DCN: variants seen among roughly 807,000 people sequenced by gnomAD.
DCN encodes the protein bone proteoglycan II.
DCN carries 17 observed loss-of-function variants against 36.5 expected under a neutral mutation model. That is an observed-to-expected ratio of 0.47 (90% CI 0.32 to 0.70). DCN has a LOEUF of 0.70. Among genes scored for constraint, DCN ranks in the 30% least tolerant of loss-of-function variants. The probability of loss-of-function intolerance (pLI) is 0.04; values close to 1 mark genes in which losing one functional copy is unlikely to be tolerated. For synonymous variants in DCN, 163 were observed against 161.4 expected (o/e 1.01, Z -0.07); for missense variants, 389 against 430.1 (o/e 0.90, Z 0.84).
Position 91,144,461 on chromosome 12 carries a change from G to GAA in DCN, c.*1595_*1596dup, listed in dbSNP as rs1436881421. 1.3e-5 allele frequency: 2 copies of GAA among 152,036 alleles called. No homozygotes were observed. The highest frequency in any genetic ancestry group is 2.9e-5 in the Non-Finnish European group (2 of 67,976). 9.4% of individuals were successfully genotyped at this position (152,036 alleles called of 1,614,324 possible). A position where few individuals can be genotyped will look rare whatever the true frequency, so the allele number is the denominator to read the frequency against. On this transcript the variant is annotated 3_prime_UTR_variant, in exon 8 of 8. Transcript: ENST00000052754. Reference sequence around the variant, plus strand: ...ATCTCTTGGGAGATGAAAAAGAGAAGAAAAAGAGAGGTTTCTTCCCTCTTA... The same window carrying GAA: ...ATCTCTTGGGAGATGAAAAAGAGAAGAAAAAAAGAGAGGTTTCTTCCCTCTTA...
intron 2 of DCN, chr12:91,172,562 T>G: frequency 2.2e-6 from 1 of 445,236 alleles, no homozygotes; most frequent in Non-Finnish European, 4.0e-6. Context: ...AATTCTATTC[T>G]CTTTCCAGTC....
At chr12:91,151,873 T>C (rs1159148256) in intron 6 of DCN, 81 bp from the exon 7 acceptor site, 19 of 1,552,674 alleles carry the variant, frequency 1.2e-5, no homozygotes, top group African/African-American at 5.4e-5. Context: ...ATCAAGTCTA[T>C]AGGAAAGGAC....
chr12:91,176,236 G>C (rs1238300753), intron 2 of DCN: 1 of 151,862 alleles, frequency 6.6e-6, no homozygotes, highest in Non-Finnish European at 1.5e-5. Context: ...TGAGACCACT[G>C]CTCATTGGAA....
intron 6 of DCN, among the ~76,000 whole-genome samples, chr12:91,152,684 T>C (rs1043209316): frequency 6.6e-6 from 1 of 152,176 alleles, no homozygotes; most frequent in Admixed American, 6.5e-5. Flanking sequence ...TAGTAATTTG[T>C]GTGATGCTCA....
Position 91,157,863 on chromosome 12 carries a change from C to T in DCN, c.538+433G>A, listed in dbSNP as rs1053916549. 3.3e-5 allele frequency among the ~76,000 whole-genome samples: 5 copies of T among 152,066 alleles called. No individual in the cohort carries two copies. The East Asian group carries it at 7.7e-4, about 23-fold the overall frequency. On this transcript the variant is annotated intron_variant, in intron 4 of 7. Coordinates refer to ENST00000052754, the MANE Select transcript of DCN (RefSeq NM_001920.5). ...CAGGATGGTCTCGATCTCCTGACCTCGTGATCCGCCTGCTTCGGCCTCCCA... is the reference window on the plus strand; with the variant it reads ...CAGGATGGTCTCGATCTCCTGACCTTGTGATCCGCCTGCTTCGGCCTCCCA...
chr12:91,172,841 G>A (rs890557458), intron 2 of DCN: 19 of 646,102 alleles, frequency 2.9e-5, no homozygotes, highest in Non-Finnish European at 5.0e-5. Context: ...GAGGTTGTAC[G>A]AAGATAAATT....
In DCN at chr12:91,157,095, T is replaced by C. The variant is rs758510607; in HGVS notation, c.632A>G (p.Asn211Ser). The C allele has an allele frequency of 3.1e-6, 5 of 1,603,698 alleles. No individual in the cohort carries two copies. The Admixed American group carries it at 5.0e-5, about 16-fold the overall frequency. ...ATCACCTTGAGGAATGCTGGTGATA[T>C]TGGTATCAGCAATGCGGATGTAGGA... Reference protein sequence around the residue: ...KLSYIRIADTNITSIPQGLPP... With the variant: ...KLSYIRIADTSITSIPQGLPP... The change falls in exon 5 of 8, where the codon AAT becomes AGT. Residue 211 changes from asparagine to serine, a missense_variant. Asn to Ser is a conservative substitution (Grantham distance 46). Coordinates refer to ENST00000052754, the MANE Select transcript of DCN (RefSeq NM_001920.5).
chr12:91,154,611 A>T (rs1881641763), intron 5 of DCN, among the ~76,000 whole-genome samples: 1 of 152,276 alleles, frequency 6.6e-6, no homozygotes, highest in Middle Eastern at 3.4e-3. Context: ...TGAGATAGAC[A>T]AATTTGTAAA....
chr12:91,153,925 A>G (rs924881792), intron 5 of DCN, among the ~76,000 whole-genome samples: 2 of 152,126 alleles, frequency 1.3e-5, no homozygotes, highest in African/African-American at 4.8e-5. Context: ...TAAATATAAA[A>G]GTTTAAATAT....
At chr12:91,169,640 G>A (rs914491119) in intron 2 of DCN, 3 of 152,048 alleles carry the variant, frequency 2.0e-5, no homozygotes, top group African/African-American at 7.2e-5. Context: ...AAGCTCTGTG[G>A]TGGGTACCCA....
chr12:91,161,256 C>T (rs2121226007), intron 3 of DCN, among the ~76,000 whole-genome samples: 2 of 152,098 alleles, frequency 1.3e-5, no homozygotes, highest in Middle Eastern at 3.4e-3. Flanking sequence ...ATTACAAATG[C>T]CAGATTTAAT....
rs1565766784 is a variant in DCN, at chr12:91,142,071, G to C, written c.*3987C>G. The C allele has an allele frequency of 6.6e-6, 1 of 152,174 alleles. No individual in the cohort carries two copies. Among genetic ancestry groups the C allele is most frequent in the Non-Finnish European group, 1.5e-5 (1 of 68,034 alleles). 9.4% of individuals were successfully genotyped at this position (152,174 alleles called of 1,614,324 possible). A position where few individuals can be genotyped will look rare whatever the true frequency, so the allele number is the denominator to read the frequency against. On this transcript the variant is annotated 3_prime_UTR_variant, in exon 8 of 8. Transcript: ENST00000052754. ...CTTTGTGGTGTGAAATTGACAGTCTGTCACAGACCTGTGATTTGAAATAAT... is the reference window on the plus strand; with the variant it reads ...CTTTGTGGTGTGAAATTGACAGTCTCTCACAGACCTGTGATTTGAAATAAT...
intron 2 of DCN, chr12:91,176,819 T>A (rs1445576576): frequency 6.6e-6 from 1 of 152,166 alleles, no homozygotes. Flanking sequence ...CTTCGCCATT[T>A]TAGTAACTTC....
intron 1 of DCN, chr12:91,180,484 C>G (rs1240861973): frequency 2.0e-5 from 3 of 152,064 alleles, no homozygotes; most frequent in African/African-American, 7.2e-5. Flanking sequence ...CCTAGATTCT[C>G]TAGAGAAGAA....
In DCN at chr12:91,153,197, G is replaced by A; in HGVS notation, c.653-8C>T. ...TAAGGGAAGGAGGAAGACCTGGAAT[G>A]TGGAATTAAAGATGTTAAATTAGCA... On this transcript the variant is annotated splice_region_variant and splice_polypyrimidine_tract_variant and intron_variant, in intron 5 of 7. Coordinates refer to ENST00000052754, the MANE Select transcript of DCN (RefSeq NM_001920.5). The A allele has an allele frequency of 6.6e-7, 1 of 1,514,666 alleles. No homozygotes were observed. Among genetic ancestry groups the A allele is most frequent in the South Asian group, 1.1e-5 (1 of 89,092 alleles). 93.8% of individuals were successfully genotyped at this position (1,514,666 alleles called of 1,614,324 possible).
intron 7 of DCN, among the ~76,000 whole-genome samples, chr12:91,148,892 T>C (rs950909064): frequency 2.0e-5 from 3 of 152,272 alleles, no homozygotes; most frequent in South Asian, 2.1e-4. Context: ...GCAACACTTA[T>C]ATGTATGGTT....
rs1238110777 is a variant in DCN, at chr12:91,142,815, C to T, written c.*3243G>A. The T allele has an allele frequency of 2.0e-5, 3 of 151,842 alleles. No homozygotes were observed. Among genetic ancestry groups the T allele is most frequent in the South Asian group, 2.1e-4 (1 of 4,814 alleles). The allele number at this position is 151,842 out of a possible 1,614,324, so 9.4% of individuals were successfully genotyped here. On this transcript the variant is annotated 3_prime_UTR_variant, in exon 8 of 8. Coordinates refer to ENST00000052754, the MANE Select transcript of DCN (RefSeq NM_001920.5). ...ACCTTTTATGTGAAGCACCCATAAT[C>T]GAACAACAGTTTTAATGAAAACAAA... is the stretch of plus-strand genomic sequence containing the variant.
chr12:91,156,950 A>G, intron 5 of DCN, 125 bp downstream of exon 5: 1 of 678,706 alleles, frequency 1.5e-6, no homozygotes, highest in Admixed American at 2.3e-5. Flanking sequence ...TAGCAGTAAT[A>G]GAGAATTTGC....
In DCN at chr12:91,156,037, A is replaced by G. The variant is rs538786536; in HGVS notation, c.652+1038T>C. On this transcript the variant is annotated intron_variant, in intron 5 of 7. Transcript: ENST00000052754. ...TTGAGAAAGGGACAGACTGAGGGGA[A>G]AACTAGATAATATAGAGGGCTTCTG... is the stretch of plus-strand genomic sequence containing the variant. Among the ~76,000 whole-genome samples, 469 of 152,336 alleles carry G rather than the reference A, an allele frequency of 3.1e-3. 3 individuals are homozygous for G. The highest frequency in any genetic ancestry group is 5.4e-3 in the Non-Finnish European group (364 of 68,018).
Sources: allele counts gnomAD v4.1 joint callset (sites outside exome capture counted in the v4.1 genomes callset), GRCh38; gene constraint gnomAD v4.1.1; transcripts MANE v1.5; gene names NCBI Gene and HGNC (gene_info 2026-07-23, HGNC 2026-07-21).